The following AKAP19 variants were observed in gnomAD, a reference collection of about 807,000 sequenced individuals.
The protein encoded by AKAP19 is small A-kinase anchoring protein.
the AKAP19 span, among the ~76,000 whole-genome samples, chr2:190,173,513 T>C: frequency 6.6e-6 from 1 of 152,188 alleles, no homozygotes; most frequent in Non-Finnish European, 1.5e-5. Context: ...AAATGCCAAG[T>C]GCACGTGAAT....
chr2:190,105,812 C>G, the AKAP19 span, among the ~76,000 whole-genome samples: 1 of 152,200 alleles, frequency 6.6e-6, no homozygotes, highest in African/African-American at 2.4e-5. Flanking sequence ...TAGCACTGAT[C>G]ACACTGTATT....
chr2:189,923,822 A>G, the AKAP19 span: 12 of 1,610,922 alleles, frequency 7.4e-6, no homozygotes, highest in Admixed American at 1.7e-5. Context: ...CTTCAATTCT[A>G]AGAGTGGACA....
chr2:189,959,069 AT>A, the AKAP19 span, among the ~76,000 whole-genome samples: 1 of 151,490 alleles, frequency 6.6e-6, no homozygotes, highest in East Asian at 1.9e-4. Context: ...TTGTGATGTT[AT>A]TTTTTTTCTT....
the AKAP19 span, among the ~76,000 whole-genome samples, chr2:189,918,764 A>G: frequency 2.6e-5 from 4 of 152,350 alleles, no homozygotes; most frequent in East Asian, 5.8e-4. Flanking sequence ...AATTTCTATC[A>G]ATAGATATGT....
the AKAP19 span, among the ~76,000 whole-genome samples, chr2:190,068,556 C>T: frequency 6.6e-6 from 1 of 152,118 alleles, no homozygotes; most frequent in East Asian, 1.9e-4. Flanking sequence ...GTTTCGAACT[C>T]CTGGCCTCAA....
chr2:190,128,160 G>T, the AKAP19 span, among the ~76,000 whole-genome samples: 15 of 152,242 alleles, frequency 9.9e-5, no homozygotes, highest in African/African-American at 3.6e-4. Context: ...TTCTAATGGA[G>T]CTAATGTCTC....
the AKAP19 span, among the ~76,000 whole-genome samples, chr2:189,905,441 C>A: frequency 5.9e-5 from 9 of 151,962 alleles, no homozygotes; most frequent in African/African-American, 2.2e-4. Flanking sequence ...TCCCTACCTG[C>A]CACACACATT....
the AKAP19 span, among the ~76,000 whole-genome samples, chr2:190,112,339 A>G: frequency 6.6e-6 from 1 of 152,184 alleles, no homozygotes; most frequent in Non-Finnish European, 1.5e-5. Flanking sequence ...AAAGAGGAAC[A>G]CTATAGATTC....
the AKAP19 span, chr2:189,924,021 T>C: frequency 6.4e-7 from 1 of 1,558,978 alleles, no homozygotes; most frequent in Non-Finnish European, 8.8e-7. Context: ...AGCAGCTCCG[T>C]GAAGAAAGAT....
the AKAP19 span, among the ~76,000 whole-genome samples, chr2:190,137,101 G>A: frequency 4.3e-4 from 65 of 152,254 alleles, no homozygotes; most frequent in Admixed American, 2.0e-3. Context: ...TTTTAAAATT[G>A]TCATATTATG....
At chr2:189,952,561 A>G in the AKAP19 span, among the ~76,000 whole-genome samples, 141,286 of 152,226 alleles carry the variant, frequency 0.93, 65,611 homozygotes, top group East Asian at 0.97. Flanking sequence ...CTATATGAGA[A>G]CAATATTTAT....
the AKAP19 span, among the ~76,000 whole-genome samples, chr2:190,058,873 G>A: frequency 6.6e-6 from 1 of 151,824 alleles, no homozygotes; most frequent in East Asian, 1.9e-4. Flanking sequence ...TACATATTTG[G>A]TACAATATAC....
At chr2:190,065,957 G>A in the AKAP19 span, among the ~76,000 whole-genome samples, 1 of 152,178 alleles carries the variant, frequency 6.6e-6, no homozygotes. Flanking sequence ...CTGACTGCTG[G>A]AGACCCAGTT....
chr2:189,961,593 C>T, the AKAP19 span, among the ~76,000 whole-genome samples: 143 of 152,168 alleles, frequency 9.4e-4, no homozygotes, highest in Middle Eastern at 3.4e-3. Flanking sequence ...AGGTTCTTGA[C>T]ATTTTAAGGT....
the AKAP19 span, among the ~76,000 whole-genome samples, chr2:189,992,167 T>C: frequency 6.6e-6 from 1 of 151,888 alleles, no homozygotes; most frequent in African/African-American, 2.4e-5. Context: ...GCAATTCTCC[T>C]GTCTCAGCCT....
chr2:189,994,580 T>A, the AKAP19 span, among the ~76,000 whole-genome samples: 1 of 151,546 alleles, frequency 6.6e-6, no homozygotes. Context: ...TGGAGCAGAT[T>A]ATTATTATTA....
chr2:190,003,734 C>A, the AKAP19 span, among the ~76,000 whole-genome samples: 2 of 151,872 alleles, frequency 1.3e-5, no homozygotes, highest in African/African-American at 4.8e-5. Context: ...TGTGGTGGTA[C>A]GCGTCTGTAA....
chr2:190,020,670 GA>G, the AKAP19 span, among the ~76,000 whole-genome samples: 1 of 151,982 alleles, frequency 6.6e-6, no homozygotes, highest in East Asian at 1.9e-4. Context: ...TATTGTTGTG[GA>G]ACCATCACCA....
chr2:190,076,408 A>T, the AKAP19 span, among the ~76,000 whole-genome samples: 975 of 152,350 alleles, frequency 6.4e-3, 11 homozygotes, highest in Middle Eastern at 0.024. Context: ...TAAAGATTGA[A>T]GTGTCTATAT....
Sources: allele counts gnomAD v4.1 joint callset (sites outside exome capture counted in the v4.1 genomes callset), GRCh38; gene constraint gnomAD v4.1.1; transcripts MANE v1.5; gene names NCBI Gene and HGNC (gene_info 2026-07-23, HGNC 2026-07-21).